The following ATG16L1 variants were observed in gnomAD, a reference collection of about 807,000 sequenced individuals.
ATG16L1 encodes the protein autophagy related 16 like 1, also known as autophagy-related protein 16-1.
A neutral mutation model predicts 88.5 loss-of-function variants in ATG16L1; 37 were observed. That is an observed-to-expected ratio of 0.42 (90% CI 0.32 to 0.55). The LOEUF (loss-of-function observed/expected upper bound fraction) is 0.55, where lower values mean the gene tolerates loss of function less well. Among genes scored for constraint, ATG16L1 ranks in the 20% least tolerant of loss-of-function variants. ATG16L1 has a pLI of 0.13. For missense variants in ATG16L1, 554 were observed against 752.8 expected, an observed-to-expected ratio of 0.74 and a Z score of 3.09; for synonymous variants, 301 against 281.0, an observed-to-expected ratio of 1.07 and a Z score of -0.71.
chr2:233,268,891 C>G (rs559953640), intron 5 of ATG16L1, among the ~76,000 whole-genome samples: 4 of 152,150 alleles, frequency 2.6e-5, no homozygotes, highest in African/African-American at 7.2e-5. Context: ...TAAAAACTTA[C>G]GAGAAATTTC....
At chr2:233,290,483 A>G in intron 14 of ATG16L1, 130 bp downstream of exon 14, 1 of 724,124 alleles carries the variant, frequency 1.4e-6, no homozygotes, top group South Asian at 1.7e-5. Context: ...GTGTTAGCTT[A>G]TTAACACTTG....
chr2:233,262,705 C>T (rs186922374), intron 2 of ATG16L1, among the ~76,000 whole-genome samples: 1 of 152,306 alleles, frequency 6.6e-6, no homozygotes, highest in Admixed American at 6.5e-5. Flanking sequence ...TGTTCCCCTT[C>T]TTGTGCTTGA....
chr2:233,260,368 G>T (rs1255808396), intron 2 of ATG16L1, among the ~76,000 whole-genome samples: 2 of 152,176 alleles, frequency 1.3e-5, no homozygotes, highest in African/African-American at 4.8e-5. Context: ...TCTGGGGGTG[G>T]GGCCTGGTAA....
chr2:233,273,100 A>G (rs778002199), intron 7 of ATG16L1, 48 bp downstream of exon 7: 5 of 1,450,144 alleles, frequency 3.4e-6, no homozygotes, highest in Non-Finnish European at 4.9e-6. Flanking sequence ...GAGGAGCAAT[A>G]TGAAGGCACA....
intron 2 of ATG16L1, among the ~76,000 whole-genome samples, chr2:233,257,063 T>C (rs1696837684): frequency 6.6e-6 from 1 of 150,672 alleles, no homozygotes; most frequent in Admixed American, 6.6e-5. Context: ...GGGGTCTCGC[T>C]CTGTCGCCCA....
chr2:233,252,503 C>G (rs1353591388), intron 1 of ATG16L1, among the ~76,000 whole-genome samples: 3 of 152,086 alleles, frequency 2.0e-5, no homozygotes, highest in African/African-American at 4.8e-5. Flanking sequence ...CCACCTAAGC[C>G]TCCCGAGTAG....
chr2:233,262,174 C>T (rs1697259856), intron 2 of ATG16L1, among the ~76,000 whole-genome samples: 1 of 152,192 alleles, frequency 6.6e-6, no homozygotes, highest in African/African-American at 2.4e-5. Flanking sequence ...GCCCCATAGC[C>T]AATTCAAAGT....
intron 16 of ATG16L1, 52 bp downstream of exon 16, chr2:233,292,486 A>G (rs768910004): frequency 1.2e-5 from 20 of 1,609,530 alleles, no homozygotes; most frequent in Non-Finnish European, 1.7e-5. Flanking sequence ...AGAGTCCTGC[A>G]TGGGCATTTT....
At chr2:233,266,474 G>A (rs149737178) in intron 5 of ATG16L1, among the ~76,000 whole-genome samples, 1 of 152,142 alleles carries the variant, frequency 6.6e-6, no homozygotes, top group East Asian at 1.9e-4. Flanking sequence ...AAACAAAAAA[G>A]CTCTACAGAT....
chr2:233,273,432 G>A (rs143427168), intron 7 of ATG16L1: 2 of 513,726 alleles, frequency 3.9e-6, no homozygotes, highest in Non-Finnish European at 6.9e-6. Context: ...CAGAAATTGT[G>A]AAGTTAGTTA....
intron 12 of ATG16L1, among the ~76,000 whole-genome samples, chr2:233,285,562 A>G (rs1438015090): frequency 2.0e-5 from 3 of 152,210 alleles, no homozygotes; most frequent in South Asian, 2.1e-4. Context: ...GTGCTGGACT[A>G]GTTGGCTTTT....
chr2:233,253,340 GTTTTTT>G (rs56151049), intron 1 of ATG16L1, among the ~76,000 whole-genome samples: 1 of 108,660 alleles, frequency 9.2e-6, no homozygotes, highest in Admixed American at 1.2e-4. Context: ...GGGTTTTTTT[GTTTTTT>G]TTTTTTTTTT....
At position 233,288,811 on chromosome 2, in the gene ATG16L1, C is replaced by T. The variant is rs765691619; in HGVS notation, c.1204-1043C>T. 1.5e-5 allele frequency: 8 copies of T among 519,088 alleles called. No individual in the cohort carries two copies. In the East Asian group the frequency reaches 3.8e-4, roughly 25 times the overall value. 32.2% of individuals were successfully genotyped at this position (519,088 alleles called of 1,614,324 possible). A position where few individuals can be genotyped will look rare whatever the true frequency, so the allele number is the denominator to read the frequency against. The stretch of plus-strand genomic sequence containing the variant: ...AGGGCAGCTGACACTCCGTGATGTC[C>T]CTCATTCTGTGTTCCTCCGTGAGCT... On this transcript the variant is annotated intron_variant, in intron 12 of 17. Transcript: ENST00000392017.
At chr2:233,282,468 G>C (rs541286722) in intron 11 of ATG16L1, among the ~76,000 whole-genome samples, 9 of 152,196 alleles carry the variant, frequency 5.9e-5, no homozygotes, top group Non-Finnish European at 8.8e-5. Context: ...GCAATATTCT[G>C]ATGAAATTGA....
intron 2 of ATG16L1, among the ~76,000 whole-genome samples, chr2:233,261,594 C>T (rs1697216968): frequency 6.6e-6 from 1 of 152,156 alleles, no homozygotes; most frequent in Non-Finnish European, 1.5e-5. Flanking sequence ...TATACTACCA[C>T]CTTTATCCCC....
intron 14 of ATG16L1, among the ~76,000 whole-genome samples, chr2:233,290,742 A>C (rs1225636417): frequency 6.6e-6 from 1 of 152,180 alleles, no homozygotes; most frequent in Admixed American, 6.5e-5. Flanking sequence ...CGGAGACGTG[A>C]GTAGGATTCA....
chr2:233,291,564 G>GC (rs1355066989), intron 14 of ATG16L1, among the ~76,000 whole-genome samples: 2 of 152,052 alleles, frequency 1.3e-5, no homozygotes, highest in Non-Finnish European at 2.9e-5. Flanking sequence ...CACCAACAGG[G>GC]CCCTGCCCAG....
chr2:233,280,535 A>G (rs1698654372), intron 10 of ATG16L1, among the ~76,000 whole-genome samples: 1 of 152,174 alleles, frequency 6.6e-6, no homozygotes. Flanking sequence ...GAGATAAAGT[A>G]TGAGGGCAAA....
chr2:233,273,772 CTT>C lies in ATG16L1; in HGVS notation c.848_849del (p.Phe283TrpfsTer23). The C allele has an allele frequency of 6.2e-7, 1 of 1,614,098 alleles. No individual in the cohort carries two copies. The highest frequency in any genetic ancestry group is 8.5e-7 in the Non-Finnish European group (1 of 1,179,944). ...GCCTTCTGGATTCTATCACTAATAT[CTT>C]TGGGTAGGTTAGAAGACCTTTCCTT... ...GGLLDSITNIFGRRSVSSFPV... is the reference protein window; with the variant it reads ...GGLLDSITNIXGRRSVSSFPV... On this transcript the variant is annotated frameshift_variant, in exon 8 of 18. Transcript: ENST00000392017. LOFTEE classifies it high-confidence loss of function.
Sources: allele counts gnomAD v4.1 joint callset (sites outside exome capture counted in the v4.1 genomes callset), GRCh38; gene constraint gnomAD v4.1.1; transcripts MANE v1.5; gene names NCBI Gene and HGNC (gene_info 2026-07-23, HGNC 2026-07-21).